The following CNIH3 variants were observed in gnomAD, a reference collection of about 807,000 sequenced individuals.
CNIH3 encodes the protein protein cornichon homolog 3.
A neutral mutation model predicts 24.1 loss-of-function variants in CNIH3; 14 were observed. The ratio of observed to expected loss-of-function variants is 0.58; its 90% CI spans 0.38 to 0.91. The LOEUF (loss-of-function observed/expected upper bound fraction) is 0.91, where lower values mean the gene tolerates loss of function less well. Among genes scored for constraint, CNIH3 ranks in the 40% least tolerant of loss-of-function variants. The pLI, the probability that CNIH3 is intolerant of heterozygous loss-of-function variation, is 0.00. For missense variants in CNIH3, 178 were observed against 196.8 expected, an observed-to-expected ratio of 0.90 and a Z score of 0.57; for synonymous variants, 68 against 73.8, an observed-to-expected ratio of 0.92 and a Z score of 0.40.
At chr1:224,637,024 T>C (rs1000086597) in intron 1 of CNIH3, among the ~76,000 whole-genome samples, 2 of 151,544 alleles carry the variant, frequency 1.3e-5, no homozygotes, top group African/African-American at 4.9e-5. Context: ...TGATCTTGGC[T>C]CACTGCAACC....
At chr1:224,567,271 C>T (rs10916643) in intron 4 of CNIH3, among the ~76,000 whole-genome samples, 40,753 of 152,040 alleles carry the variant, frequency 0.27, 5,830 homozygotes, top group Admixed American at 0.33. Flanking sequence ...GACATTAGCC[C>T]TTTGTCAGAT....
At chr1:224,608,447 G>A (rs2125048782) in intron 3 of CNIH3, among the ~76,000 whole-genome samples, 2 of 152,238 alleles carry the variant, frequency 1.3e-5, no homozygotes, top group African/African-American at 4.8e-5. Flanking sequence ...CAACTCTAAG[G>A]GGGTCCACGT....
intron 1 of CNIH3, among the ~76,000 whole-genome samples, chr1:224,506,494 GC>G (rs1349027710): frequency 1.3e-5 from 2 of 152,196 alleles, no homozygotes; most frequent in African/African-American, 4.8e-5. Context: ...GGCAGTCCCC[GC>G]TGCTCAGTGG....
intron 1 of CNIH3, among the ~76,000 whole-genome samples, chr1:224,617,561 C>T (rs1255585863): frequency 1.3e-5 from 2 of 152,358 alleles, no homozygotes; most frequent in East Asian, 3.9e-4. Context: ...CTCTCCCGCC[C>T]CGTCCTCTCC....
chr1:224,595,128 C>A (rs1681923348), intron 3 of CNIH3, among the ~76,000 whole-genome samples: 1 of 152,182 alleles, frequency 6.6e-6, no homozygotes, highest in Non-Finnish European at 1.5e-5. Flanking sequence ...CTCACTGTAG[C>A]CTTGAACTCC....
intron 1 of CNIH3, among the ~76,000 whole-genome samples, chr1:224,483,408 A>T (rs76271038): frequency 2.0e-4 from 26 of 131,824 alleles, no homozygotes; most frequent in African/African-American, 7.1e-4. Context: ...TTTTTTTTTT[A>T]GACAGAGTCT....
At chr1:224,481,816 A>G (rs1676825098) in intron 1 of CNIH3, among the ~76,000 whole-genome samples, 1 of 152,188 alleles carries the variant, frequency 6.6e-6, no homozygotes, top group African/African-American at 2.4e-5. Context: ...GAAGCCAGTC[A>G]AACTTGTATA....
At chr1:224,727,669 G>T (rs1689106683) in intron 3 of CNIH3, among the ~76,000 whole-genome samples, 1 of 152,088 alleles carries the variant, frequency 6.6e-6, no homozygotes, top group South Asian at 2.1e-4. Context: ...ATTTCCATTT[G>T]GTCTAGAAGG....
At chr1:224,538,514 G>A (rs1679381035), downstream of CNIH3, among the ~76,000 whole-genome samples, 1 of 152,064 alleles carries the variant, frequency 6.6e-6, no homozygotes, top group African/African-American at 2.4e-5. Flanking sequence ...ATCTTGAAGA[G>A]CTTTTATTTG....
intron 4 of CNIH3, among the ~76,000 whole-genome samples, chr1:224,731,141 C>T (rs1445742784): frequency 2.6e-5 from 4 of 152,042 alleles, no homozygotes; most frequent in African/African-American, 9.7e-5. Flanking sequence ...CAAAGGTTTT[C>T]TTTTTAGGGT....
chr1:224,567,635 C>T (rs1001066298), intron 4 of CNIH3, among the ~76,000 whole-genome samples: 3 of 152,166 alleles, frequency 2.0e-5, no homozygotes, highest in Admixed American at 1.3e-4. Flanking sequence ...AGCACCCAAA[C>T]GAGAGAGTGT....
upstream of CNIH3, among the ~76,000 whole-genome samples, chr1:224,514,385 A>G (rs1055833860): frequency 6.6e-6 from 1 of 152,184 alleles, no homozygotes; most frequent in African/African-American, 2.4e-5. Context: ...TCCAGCCCCC[A>G]GTTTTTGACA....
intron 4 of CNIH3, among the ~76,000 whole-genome samples, chr1:224,572,917 A>G (rs745744373): frequency 2.0e-5 from 3 of 152,162 alleles, no homozygotes; most frequent in Non-Finnish European, 4.4e-5. Context: ...GGAGTGCAAC[A>G]CATTGAATAA....
At chr1:224,622,884 C>G (rs185986856) in intron 1 of CNIH3, among the ~76,000 whole-genome samples, 1 of 152,340 alleles carries the variant, frequency 6.6e-6, no homozygotes, top group African/African-American at 2.4e-5. Context: ...TGCTGTGGAC[C>G]TCTCTCCCAG....
At chr1:224,650,276 T>C (rs908592007) in intron 1 of CNIH3, among the ~76,000 whole-genome samples, 2 of 152,106 alleles carry the variant, frequency 1.3e-5, no homozygotes, top group African/African-American at 4.8e-5. Flanking sequence ...CTGAGGAGTA[T>C]GGGGCCAGGG....
intron 3 of CNIH3, among the ~76,000 whole-genome samples, chr1:224,548,418 C>T (rs992758477): frequency 1.3e-5 from 2 of 151,734 alleles, no homozygotes; most frequent in African/African-American, 4.8e-5. Context: ...AGCATTCACC[C>T]TGTGTGTACA....
chr1:224,717,607 T>C (rs1324232632), intron 3 of CNIH3: 1 of 152,410 alleles, frequency 6.6e-6, no homozygotes, highest in East Asian at 1.9e-4. Context: ...TTGGATTATA[T>C]AGTCACTTAG....
chr1:224,657,409 T>TAG (rs142879463), intron 1 of CNIH3, among the ~76,000 whole-genome samples: 8,372 of 146,832 alleles, frequency 0.057, 244 homozygotes, highest in Middle Eastern at 0.087. Context: ...AGAAATAGGG[T>TAG]AGAGAGAGAG....
chr1:224,547,952 T>A (rs1679767139), intron 3 of CNIH3, among the ~76,000 whole-genome samples: 1 of 151,962 alleles, frequency 6.6e-6, no homozygotes, highest in South Asian at 2.1e-4. Flanking sequence ...GTAGACACCC[T>A]TTATGTACAC....
Sources: gnomAD v4.1 joint callset for allele counts (sites outside exome capture counted in the v4.1 genomes callset) on GRCh38, gnomAD v4.1.1 for gene constraint, MANE v1.5 for transcripts, NCBI Gene and HGNC (gene_info 2026-07-23, HGNC 2026-07-21) for gene names.